Variants in SRRM4 observed in about 807,000 individuals in gnomAD.
SRRM4 encodes serine/arginine repetitive matrix 4.
A neutral mutation model predicts 68.9 loss-of-function variants in SRRM4; 33 were observed. The ratio of observed to expected loss-of-function variants is 0.48; its 90% CI spans 0.36 to 0.64. The LOEUF (loss-of-function observed/expected upper bound fraction) is 0.64, where lower values mean the gene tolerates loss of function less well. Ranked by LOEUF, SRRM4 falls within the 30% of genes least tolerant of loss-of-function variation. The pLI is 0.00. For missense variants in SRRM4, 817 were observed against 827.1 expected, an observed-to-expected ratio of 0.99 and a Z score of 0.15; for synonymous variants, 318 against 318.8, an observed-to-expected ratio of 1.00 and a Z score of 0.03.
intron 1 of SRRM4, among the ~76,000 whole-genome samples, chr12:119,058,871 T>A (rs997855599): frequency 6.6e-6 from 1 of 152,184 alleles, no homozygotes; most frequent in Non-Finnish European, 1.5e-5. Flanking sequence ...AGCAGCTATA[T>A]TTGGTGTCTT....
intron 1 of SRRM4, among the ~76,000 whole-genome samples, chr12:119,100,349 G>T (rs865867618): frequency 1.2e-5 from 1 of 86,644 alleles, no homozygotes; most frequent in Non-Finnish European, 2.5e-5. Context: ...AAAAATCTGG[G>T]TGTGGTGGTG....
chr12:119,019,101 A>T (rs1339742205), intron 1 of SRRM4, among the ~76,000 whole-genome samples: 1 of 152,200 alleles, frequency 6.6e-6, no homozygotes. Flanking sequence ...CCCAAAGCTG[A>T]CAGACTGAAT....
chr12:119,130,424 T>TGGATGGATGGAG (rs1555220477), intron 7 of SRRM4, among the ~76,000 whole-genome samples: 19 of 150,676 alleles, frequency 1.3e-4, no homozygotes, highest in East Asian at 6.0e-4. Flanking sequence ...GATGGATGGA[T>TGGATGGATGGAG]GGATGGATGG....
chr12:119,127,736 A>AAG (rs1954270561), intron 7 of SRRM4, among the ~76,000 whole-genome samples: 1 of 143,046 alleles, frequency 7.0e-6, no homozygotes, highest in Non-Finnish European at 1.5e-5. Flanking sequence ...CTCAAAAAAA[A>AAG]AAAAGAAAAG....
chr12:119,129,996 GAT>G (rs1954284982), intron 7 of SRRM4, among the ~76,000 whole-genome samples: 1 of 151,154 alleles, frequency 6.6e-6, no homozygotes, highest in Non-Finnish European at 1.5e-5. Context: ...TGGATGGATG[GAT>G]GGATGGATGG....
chr12:119,100,678 T>C (rs901250108), intron 1 of SRRM4, among the ~76,000 whole-genome samples: 1 of 152,200 alleles, frequency 6.6e-6, no homozygotes, highest in Non-Finnish European at 1.5e-5. Flanking sequence ...AAATGCAGGT[T>C]ACCCTAGGCC....
intron 1 of SRRM4, among the ~76,000 whole-genome samples, chr12:119,049,982 T>A (rs986591780): frequency 5.3e-5 from 8 of 152,338 alleles, no homozygotes; most frequent in African/African-American, 1.9e-4. Context: ...TACTGAGGGT[T>A]AGGACTTCAA....
At chr12:119,145,853 C>T (rs1361859922) in intron 9 of SRRM4, among the ~76,000 whole-genome samples, 168 bp downstream of exon 9, 1 of 152,156 alleles carries the variant, frequency 6.6e-6, no homozygotes, top group East Asian at 1.9e-4. Context: ...GCACTAGCTT[C>T]AGGTACAGCT....
intron 2 of SRRM4, among the ~76,000 whole-genome samples, chr12:119,106,350 T>A (rs1425497585): frequency 6.6e-6 from 1 of 152,156 alleles, no homozygotes; most frequent in Admixed American, 6.5e-5. Flanking sequence ...GTGGAAAAAG[T>A]CATTGGTAGC....
intron 2 of SRRM4, among the ~76,000 whole-genome samples, chr12:119,113,875 G>A (rs188510091): frequency 8.5e-5 from 13 of 152,124 alleles, no homozygotes; most frequent in Admixed American, 5.9e-4. Context: ...CATACCTTCC[G>A]CCTGCTATTA....
chr12:119,116,700 C>T (rs2136049575), intron 3 of SRRM4, among the ~76,000 whole-genome samples: 1 of 152,266 alleles, frequency 6.6e-6, no homozygotes, highest in Admixed American at 6.5e-5. Flanking sequence ...TTACAAAACA[C>T]AAGGTAATGG....
intron 1 of SRRM4, among the ~76,000 whole-genome samples, chr12:119,094,624 G>A (rs1317271421): frequency 6.6e-6 from 1 of 152,100 alleles, no homozygotes; most frequent in Non-Finnish European, 1.5e-5. Context: ...CCTCCTTTTT[G>A]TTCCACTTTC....
intron 10 of SRRM4, among the ~76,000 whole-genome samples, chr12:119,153,334 A>G (rs998382388): frequency 2.0e-5 from 3 of 151,458 alleles, no homozygotes; most frequent in African/African-American, 7.3e-5. Flanking sequence ...CCAGGATAGT[A>G]GGCACAAAAT....
At chr12:119,151,914 C>T (rs1406317713) in intron 10 of SRRM4, among the ~76,000 whole-genome samples, 1 of 152,190 alleles carries the variant, frequency 6.6e-6, no homozygotes, top group African/African-American at 2.4e-5. Flanking sequence ...AAGACCAGTA[C>T]AGATTCAAGG....
At chr12:118,986,324 G>T (rs1305452818) in intron 1 of SRRM4, among the ~76,000 whole-genome samples, 1 of 152,126 alleles carries the variant, frequency 6.6e-6, no homozygotes, top group Non-Finnish European at 1.5e-5. Context: ...GGAAGGGAGC[G>T]TTATTGTGTG....
In SRRM4 at chr12:119,095,974, A is replaced by G. The variant is rs957853557; in HGVS notation, c.132-6262A>G. 4.0e-5 allele frequency among the ~76,000 whole-genome samples: 6 copies of G among 151,270 alleles called. 1 individual carries two copies. Among genetic ancestry groups the G allele is most frequent in the South Asian group, 2.1e-4 (1 of 4,776 alleles). ...GCCTCAGTCTCAAAAAAAAAAAAAA[A>G]AAAAGAAAATGTTTTCCAGAGTCTT... On this transcript the variant is annotated intron_variant, in intron 1 of 12. Coordinates refer to ENST00000267260, the MANE Select transcript of SRRM4 (RefSeq NM_194286.4).
intron 1 of SRRM4, among the ~76,000 whole-genome samples, chr12:119,021,257 AG>A (rs1953514284): frequency 1.3e-5 from 2 of 152,186 alleles, no homozygotes; most frequent in African/African-American, 4.8e-5. Context: ...TTTATTTAAA[AG>A]TTTACTTAAG....
intron 8 of SRRM4, among the ~76,000 whole-genome samples, chr12:119,137,587 GGAGAGAGAGAGAGAGAGAGA>G (rs55883419): frequency 1.4e-3 from 172 of 119,184 alleles, no homozygotes; most frequent in East Asian, 5.8e-3. Context: ...GGTTTGGAGT[GGAGAGAGAGAGAGAGAGAGA>G]GAGAGAGAGA....
At chr12:118,990,124 C>T (rs1953307335) in intron 1 of SRRM4, among the ~76,000 whole-genome samples, 1 of 152,172 alleles carries the variant, frequency 6.6e-6, no homozygotes, top group East Asian at 1.9e-4. Context: ...CCCTATTTTA[C>T]AGATGAGAAA....
Sources: allele counts gnomAD v4.1 joint callset (sites outside exome capture counted in the v4.1 genomes callset), GRCh38; gene constraint gnomAD v4.1.1; transcripts MANE v1.5; gene names NCBI Gene and HGNC (gene_info 2026-07-23, HGNC 2026-07-21).